Variants in RIPOR1 observed in about 807,000 individuals in gnomAD.
RIPOR1 encodes the protein rho family-interacting cell polarization regulator 1.
In RIPOR1, 58 loss-of-function variants were observed where a neutral mutation model predicts 116.5. The observed-to-expected ratio is 0.50, with a 90% CI of 0.40 to 0.62. The LOEUF is 0.62. Among genes scored for constraint, RIPOR1 ranks in the 20% least tolerant of loss-of-function variants. RIPOR1 has a pLI of 0.00. For synonymous variants in RIPOR1, 605 were observed against 650.0 expected (o/e 0.93, Z 1.05); for missense variants, 1,372 against 1,586.2 (o/e 0.86, Z 2.29).
At position 67,529,220 on chromosome 16, in the gene RIPOR1, G is replaced by A. The variant is rs1419783307; in HGVS notation, c.-24+306G>A. The stretch of plus-strand genomic sequence containing the variant: ...GCTGGGATGGGCCAGGCCAGAGAGC[G>A]GGCTCAAGGCGCCAGCCTGGGCCCT... On this transcript the variant is annotated intron_variant, in intron 1 of 21. Transcript: ENST00000042381. The surrounding 1 kb of genome is among the most constrained non-coding windows in gnomAD (Gnocchi z 4.1). 6.5e-6 allele frequency: 1 copy of A among 152,706 alleles called. No homozygotes were observed. The allele number at this position is 152,706 out of a possible 1,614,324, so 9.5% of individuals were successfully genotyped here.
At chr16:67,533,093 C>G (rs773052919) in intron 1 of RIPOR1, among the ~76,000 whole-genome samples, 6 of 152,074 alleles carry the variant, frequency 3.9e-5, no homozygotes, top group Non-Finnish European at 8.8e-5. Flanking sequence ...GGTGACTGGT[C>G]ATAGGGGCTA....
Position 67,546,564 on chromosome 16 carries a change from C to G in RIPOR1, c.*101C>G, listed in dbSNP as rs1294761708. ...GGGCTGGCTCCAGATACCCCTCCCC[C>G]ACAGATTCCTAGCAATGAAAATCTA... On this transcript the variant is annotated 3_prime_UTR_variant, in exon 22 of 22. Transcript: ENST00000042381. 3 of 855,014 alleles carry G rather than the reference C, an allele frequency of 3.5e-6. No homozygotes were observed. 53.0% of individuals were successfully genotyped at this position (855,014 alleles called of 1,614,324 possible).
At position 67,537,504 on chromosome 16, in the gene RIPOR1, C is replaced by G; in HGVS notation, c.-23-920C>G. ...GCTGGGAGCGAGCCCGGAGCCCAGCCGGGCGGCTCGAAGTGGCCAGGGCCG... is the reference window on the plus strand; with the variant it reads ...GCTGGGAGCGAGCCCGGAGCCCAGCGGGGCGGCTCGAAGTGGCCAGGGCCG... On this transcript the variant is annotated intron_variant, in intron 1 of 21. Transcript: ENST00000042381. This position sits in a 1 kb window ranked among gnomAD's most constrained non-coding sequence, Gnocchi z 4.6. The G allele has an allele frequency of 1.6e-6, 2 of 1,273,190 alleles. No individual in the cohort carries two copies. Among genetic ancestry groups the G allele is most frequent in the African/African-American group, 3.1e-5 (2 of 64,676 alleles). The allele number at this position is 1,273,190 out of a possible 1,614,324, so 78.9% of individuals were successfully genotyped here. A position where few individuals can be genotyped will look rare whatever the true frequency, so the allele number is the denominator to read the frequency against.
At position 67,542,736 on chromosome 16, in the gene RIPOR1, A is replaced by G. The variant is rs2051029454; in HGVS notation, c.1950A>G (p.Leu650=). Residue 650 remains leucine (L), a synonymous_variant, in exon 13 of 22, where the codon CTA becomes CTG. Coordinates refer to ENST00000042381, the MANE Select transcript of RIPOR1 (RefSeq NM_024519.4). The surrounding 1 kb of genome is among the most constrained non-coding windows in gnomAD (Gnocchi z 4.6). The part of the protein sequence containing the change: ...TTSPTPSGMG[L]VQTATSPTHP... ...GTCCTACCCCCAGTGGTATGGGCCT[A>G]GTCCAGACTGCCACAAGTCCCACCC... 4 of 1,612,694 alleles carry G rather than the reference A, an allele frequency of 2.5e-6. No individual in the cohort carries two copies. The highest frequency in any genetic ancestry group is 3.4e-6 in the Non-Finnish European group (4 of 1,179,628).
At chr16:67,527,271 A>C (rs2050549170), upstream of RIPOR1, among the ~76,000 whole-genome samples, 1 of 151,530 alleles carries the variant, frequency 6.6e-6, no homozygotes, top group African/African-American at 2.4e-5. Flanking sequence ...CAAAAATATA[A>C]AAATTAGCCG....
At position 67,536,704 on chromosome 16, in the gene RIPOR1, T is replaced by C. The variant is rs534592228; in HGVS notation, c.-23-1720T>C. On this transcript the variant is annotated intron_variant, in intron 1 of 21. Transcript: ENST00000042381. ...ATCCAGTTCCTTCTCTGCATCTCTC[T>C]TGGCGCAGCAGCACACACTATGGGG... Among the ~76,000 whole-genome samples the C allele has an allele frequency of 2.6e-5, 4 of 152,244 alleles. No homozygotes were observed. The South Asian group carries it at 8.3e-4, about 32-fold the overall frequency.
At chr16:67,528,693 C>A (rs963228581), upstream of RIPOR1, 3 of 151,648 alleles carry the variant, frequency 2.0e-5, no homozygotes, top group East Asian at 1.9e-4. Context: ...CGGCCTGCCC[C>A]GTTATCCGAG....
chr16:67,521,207 G>A (rs958167107), intron 1 of RIPOR1, among the ~76,000 whole-genome samples: 2 of 152,170 alleles, frequency 1.3e-5, no homozygotes, highest in East Asian at 3.9e-4. Flanking sequence ...TTGAGCTGGC[G>A]GTATTTTGCC....
intron 4 of RIPOR1, 127 bp from the exon 5 acceptor site, chr16:67,539,601 T>C (rs994646051): frequency 4.4e-6 from 5 of 1,147,176 alleles, no homozygotes; most frequent in African/African-American, 1.5e-5. Flanking sequence ...GGGGCGTCAG[T>C]TGCTACTGTG....
At chr16:67,535,476 G>C (rs955092330) in intron 1 of RIPOR1, among the ~76,000 whole-genome samples, 1 of 152,202 alleles carries the variant, frequency 6.6e-6, no homozygotes, top group Non-Finnish European at 1.5e-5. Flanking sequence ...GATCCAGGCT[G>C]GGGAGGAGGC....
chr16:67,522,802 C>T (rs896822555), intron 1 of RIPOR1, among the ~76,000 whole-genome samples: 2 of 152,046 alleles, frequency 1.3e-5, no homozygotes, highest in African/African-American at 4.8e-5. Flanking sequence ...CCCCCCAACC[C>T]CCCGCCTTTG....
chr16:67,528,925 C>A lies in RIPOR1; in HGVS notation c.-24+11C>A. ...GCCCAGCGCAGCCATGTGAGTGTCCCGCGCCGTTTCCGGGGCTGCAGGCCG... is the reference window on the plus strand; with the variant it reads ...GCCCAGCGCAGCCATGTGAGTGTCCAGCGCCGTTTCCGGGGCTGCAGGCCG... On this transcript the variant is annotated intron_variant, in intron 1 of 21. Coordinates refer to ENST00000042381, the MANE Select transcript of RIPOR1 (RefSeq NM_024519.4). The A allele has an allele frequency of 5.2e-6, 1 of 192,890 alleles. No individual in the cohort carries two copies. The highest frequency in any genetic ancestry group is 5.9e-5 in the Admixed American group (1 of 16,868). The allele number at this position is 192,890 out of a possible 1,614,324, so 11.9% of individuals were successfully genotyped here. A position where few individuals can be genotyped will look rare whatever the true frequency, so the allele number is the denominator to read the frequency against.
At position 67,543,705 on chromosome 16, in the gene RIPOR1, C is replaced by G; in HGVS notation, c.2600+236C>G. On this transcript the variant is annotated intron_variant, in intron 14 of 21. Transcript: ENST00000042381. This position sits in a 1 kb window ranked among gnomAD's most constrained non-coding sequence, Gnocchi z 4.7. ...GTGTGTCCCCAGTGCTTCTGACCGC[C>G]CTCTTCATCTCTGCAATGTCTGCCT... The G allele has an allele frequency of 3.4e-6, 2 of 595,958 alleles. No individual in the cohort carries two copies. The highest frequency in any genetic ancestry group is 5.9e-6 in the Non-Finnish European group (2 of 337,982). 36.9% of individuals were successfully genotyped at this position (595,958 alleles called of 1,614,324 possible).
In RIPOR1 at chr16:67,544,105, C is replaced by T. The variant is rs1359238958; in HGVS notation, c.2601-194C>T. Among the ~76,000 whole-genome samples the T allele has an allele frequency of 6.6e-6, 1 of 152,208 alleles. No individual in the cohort carries two copies. The highest frequency in any genetic ancestry group is 2.4e-5 in the African/African-American group (1 of 41,436). Reference sequence around the variant, plus strand: ...GAGGTAGCATGGCGCAGACTGACTCCAGAGATCCCTACTACCACCTGCTGG... The same window carrying T: ...GAGGTAGCATGGCGCAGACTGACTCTAGAGATCCCTACTACCACCTGCTGG... On this transcript the variant is annotated intron_variant, in intron 14 of 21. Transcript: ENST00000042381. This position sits in a 1 kb window ranked among gnomAD's most constrained non-coding sequence, Gnocchi z 5.1.
At chr16:67,525,911 G>A (rs2050536016), upstream of RIPOR1, among the ~76,000 whole-genome samples, 1 of 152,124 alleles carries the variant, frequency 6.6e-6, no homozygotes, top group Non-Finnish European at 1.5e-5. Context: ...AGCTTCAGGT[G>A]TCTCCTCTTT....
In RIPOR1 at chr16:67,530,152, G is replaced by T. The variant is rs1423395155; in HGVS notation, c.-24+1238G>T. On this transcript the variant is annotated intron_variant, in intron 1 of 21. Coordinates refer to ENST00000042381, the MANE Select transcript of RIPOR1 (RefSeq NM_024519.4). This position sits in a 1 kb window ranked among gnomAD's most constrained non-coding sequence, Gnocchi z 4.5. The stretch of plus-strand genomic sequence containing the variant: ...GGGAGGACTCAGGACTCTGGGCTGG[G>T]TCCCGCTTGAGAGAAGCGGGCGGGG... 4 of 444,344 alleles carry T rather than the reference G, an allele frequency of 9.0e-6. No homozygotes were observed. Among genetic ancestry groups the T allele is most frequent in the Middle Eastern group, 5.9e-4 (1 of 1,702 alleles). 27.5% of individuals were successfully genotyped at this position (444,344 alleles called of 1,614,324 possible).
chr16:67,519,714 G>A (rs2050477282), intron 1 of RIPOR1, among the ~76,000 whole-genome samples: 1 of 152,068 alleles, frequency 6.6e-6, no homozygotes, highest in Non-Finnish European at 1.5e-5. Flanking sequence ...CCTAAGTGGG[G>A]GAAGTGGAGC....
chr16:67,538,540 C>CGG lies in RIPOR1; in HGVS notation c.98_99dup (p.Pro34GlyfsTer49). 1 of 1,612,062 alleles carries CGG rather than the reference C, an allele frequency of 6.2e-7. No individual in the cohort carries two copies. Among genetic ancestry groups the CGG allele is most frequent in the Non-Finnish European group, 8.5e-7 (1 of 1,179,232 alleles). On this transcript the variant is annotated frameshift_variant, in exon 2 of 22. Coordinates refer to ENST00000042381, the MANE Select transcript of RIPOR1 (RefSeq NM_024519.4). LOFTEE classifies it high-confidence loss of function. ...CGCAGGCGTCCTCGGCAGCCACGAG[C>CGG]GGGGGCCCAGGTACGCGGCCGCGCA...
In RIPOR1 at chr16:67,546,510, G is replaced by A. The variant is rs1344247081; in HGVS notation, c.*47G>A. On this transcript the variant is annotated 3_prime_UTR_variant, in exon 22 of 22. Coordinates refer to ENST00000042381, the MANE Select transcript of RIPOR1 (RefSeq NM_024519.4). ...GGTGCCCCTTTCCCCCCACTTTCAG[G>A]GCTCACCAGGCACTGGCAGGGAGGG... 3.3e-6 allele frequency: 5 copies of A among 1,505,750 alleles called. No homozygotes were observed. The Admixed American group carries it at 8.4e-5, about 25-fold the overall frequency. 93.3% of individuals were successfully genotyped at this position (1,505,750 alleles called of 1,614,324 possible).
Sources: allele counts gnomAD v4.1 joint callset (sites outside exome capture counted in the v4.1 genomes callset), GRCh38; gene constraint gnomAD v4.1.1; non-coding constraint Gnocchi (gnomAD v3.1); transcripts MANE v1.5; gene names NCBI Gene and HGNC (gene_info 2026-07-23, HGNC 2026-07-21).